Variants in AKAP13 observed in about 807,000 individuals in gnomAD.
AKAP13 encodes A-kinase anchoring protein 13.
In AKAP13, 80 loss-of-function variants were observed where a neutral mutation model predicts 264.5. That is an observed-to-expected ratio of 0.30 (90% CI 0.25 to 0.36). The LOEUF is 0.36. Among genes scored for constraint, AKAP13 ranks in the 10% least tolerant of loss-of-function variants. AKAP13 has a pLI of 1.00. For synonymous variants in AKAP13, 1,380 were observed against 1,250.2 expected (o/e 1.10, Z -2.19); for missense variants, 3,712 against 3,435.2 (o/e 1.08, Z -2.01).
chr15:85,612,439 G>A (rs371071460), intron 8 of AKAP13, among the ~76,000 whole-genome samples: 2 of 152,168 alleles, frequency 1.3e-5, no homozygotes, highest in East Asian at 3.9e-4. Context: ...TACGCATTTT[G>A]CACTTGTATA....
chr15:85,710,559 C>T lies in AKAP13; in HGVS notation c.5533-20C>T. 6.2e-7 allele frequency: 1 copy of T among 1,612,552 alleles called. No homozygotes were observed. Among genetic ancestry groups the T allele is most frequent in the South Asian group, 1.1e-5 (1 of 90,898 alleles). On this transcript the variant is annotated intron_variant, in intron 18 of 36. Transcript: ENST00000394518. ...TTGTCAGAGGTGAATTGTCAATGGA[C>T]TTACTTTCTTTCTCTTTAGCAGCCC...
intron 4 of AKAP13, chr15:85,536,642 T>C (rs2151197374): frequency 1.3e-5 from 2 of 152,310 alleles, no homozygotes; most frequent in East Asian, 3.9e-4. Flanking sequence ...TACTCAGCAA[T>C]AAAAAGAAGC....
chr15:85,384,998 G>T (rs1037446814), intron 1 of AKAP13, among the ~76,000 whole-genome samples: 1 of 152,178 alleles, frequency 6.6e-6, no homozygotes, highest in African/African-American at 2.4e-5. Context: ...TATGATATGG[G>T]TGCTAGTATG....
chr15:85,593,790 A>G (rs1337759305), intron 8 of AKAP13, among the ~76,000 whole-genome samples: 1 of 91,772 alleles, frequency 1.1e-5, no homozygotes, highest in African/African-American at 3.9e-5. Flanking sequence ...ACTTACACTC[A>G]TTTCTCTTTT....
chr15:85,388,528 GA>G (rs1331919931), intron 1 of AKAP13, among the ~76,000 whole-genome samples: 8 of 147,256 alleles, frequency 5.4e-5, no homozygotes, highest in Non-Finnish European at 1.5e-5. Context: ...TCAAGTTGAG[GA>G]AATTGTCTTC....
At chr15:85,474,654 A>G (rs924429077) in intron 1 of AKAP13, among the ~76,000 whole-genome samples, 1 of 152,248 alleles carries the variant, frequency 6.6e-6, no homozygotes, top group Non-Finnish European at 1.5e-5. Flanking sequence ...TCACTTAATT[A>G]TGACATATAC....
chr15:85,653,601 A>G (rs2082965885), intron 10 of AKAP13, among the ~76,000 whole-genome samples: 1 of 152,224 alleles, frequency 6.6e-6, no homozygotes, highest in African/African-American at 2.4e-5. Flanking sequence ...TCCTTATAGT[A>G]TAGAGATATA....
intron 7 of AKAP13, among the ~76,000 whole-genome samples, chr15:85,583,682 G>A (rs1400225644): frequency 6.6e-6 from 1 of 152,324 alleles, no homozygotes; most frequent in Middle Eastern, 3.4e-3. Flanking sequence ...TCAGTGGTCA[G>A]AATTTGACTC....
At chr15:85,680,706 A>G (rs1294184913) in intron 14 of AKAP13, among the ~76,000 whole-genome samples, 2 of 152,194 alleles carry the variant, frequency 1.3e-5, no homozygotes, top group Non-Finnish European at 2.9e-5. Context: ...TTCTAAAAAA[A>G]ATTTGTAACA....
chr15:85,474,514 G>A (rs1222801806), intron 1 of AKAP13, among the ~76,000 whole-genome samples: 1 of 152,180 alleles, frequency 6.6e-6, no homozygotes, highest in African/African-American at 2.4e-5. Context: ...GATTACTCAT[G>A]TCAGGAATGT....
chr15:85,618,165 C>G (rs2081024731), intron 8 of AKAP13, among the ~76,000 whole-genome samples: 4 of 152,212 alleles, frequency 2.6e-5, no homozygotes, highest in Admixed American at 2.6e-4. Context: ...AAGACGTTTA[C>G]AGTCTTCTTA....
At chr15:85,391,193 A>T (rs534985209) in intron 1 of AKAP13, among the ~76,000 whole-genome samples, 4 of 152,356 alleles carry the variant, frequency 2.6e-5, no homozygotes, top group African/African-American at 9.6e-5. Context: ...TAAAACAATT[A>T]TCTTGCATAT....
Position 85,703,853 on chromosome 15 carries a change from AAT to A in AKAP13, c.5465-4148_5465-4147del, listed in dbSNP as rs1555461459. Among the ~76,000 whole-genome samples the A allele has an allele frequency of 1.1e-3, 155 of 142,464 alleles. 3 individuals carry two copies. The highest frequency in any genetic ancestry group is 2.1e-3 in the East Asian group (9 of 4,246). The allele number at this position is 142,464 out of a possible 152,430, so 93.5% of individuals were successfully genotyped here. A position where few individuals can be genotyped will look rare whatever the true frequency, so the allele number is the denominator to read the frequency against. On this transcript the variant is annotated intron_variant, in intron 17 of 36. Transcript: ENST00000394518. ...GCAAGACTCCATCTCAAAAAAAAAA[AAT>A]ATATATATATATATATACACACACA...
At chr15:85,620,263 T>C in intron 8 of AKAP13, 1 of 1,256,412 alleles carries the variant, frequency 8.0e-7, no homozygotes, top group South Asian at 1.3e-5. Flanking sequence ...CCTCCTGTAT[T>C]GGGAGAAAGG....
intron 1 of AKAP13, among the ~76,000 whole-genome samples, chr15:85,458,013 G>A (rs932716642): frequency 4.0e-5 from 6 of 151,882 alleles, no homozygotes; most frequent in East Asian, 1.9e-4. Context: ...GGTGGCGCCC[G>A]CCTGTAATCC....
At chr15:85,490,885 T>G (rs975353646) in intron 2 of AKAP13, among the ~76,000 whole-genome samples, 1 of 152,122 alleles carries the variant, frequency 6.6e-6, no homozygotes, top group Non-Finnish European at 1.5e-5. Context: ...GCGATGTGAT[T>G]GTGCCTGACC....
intron 1 of AKAP13, among the ~76,000 whole-genome samples, chr15:85,420,174 C>G (rs2072456955): frequency 6.6e-6 from 1 of 151,834 alleles, no homozygotes; most frequent in South Asian, 2.1e-4. Flanking sequence ...ATCTCCTGAC[C>G]TCGTGATCCG....
chr15:85,675,539 T>G (rs2084178465), intron 14 of AKAP13, among the ~76,000 whole-genome samples: 1 of 152,212 alleles, frequency 6.6e-6, no homozygotes, highest in African/African-American at 2.4e-5. Context: ...CTCTTTTCCG[T>G]ACACCAGGCT....
At chr15:85,571,904 A>G (rs947995519) in intron 5 of AKAP13, among the ~76,000 whole-genome samples, 2 of 152,240 alleles carry the variant, frequency 1.3e-5, no homozygotes, top group African/African-American at 2.4e-5. Context: ...CAAGGAAGCA[A>G]CAAAAGTCCC....
Sources: allele counts gnomAD v4.1 joint callset (sites outside exome capture counted in the v4.1 genomes callset), GRCh38; gene constraint gnomAD v4.1.1; transcripts MANE v1.5; gene names NCBI Gene and HGNC (gene_info 2026-07-23, HGNC 2026-07-21).